The following RIT1 variants were observed in gnomAD, a reference collection of about 807,000 sequenced individuals.
The protein encoded by RIT1 is GTP-binding protein Rit1.
A neutral mutation model predicts 25.6 loss-of-function variants in RIT1; 6 were observed. The ratio of observed to expected loss-of-function variants is 0.23; its 90% confidence interval spans 0.13 to 0.46. The LOEUF is 0.46. Ranked by LOEUF, RIT1 falls within the 20% of genes least tolerant of loss-of-function variation. RIT1 has a pLI of 0.99. For missense variants in RIT1, 219 were observed against 284.4 expected, an observed-to-expected ratio of 0.77 and a Z score of 1.65; for synonymous variants, 81 against 94.1, an observed-to-expected ratio of 0.86 and a Z score of 0.80.
chr1:155,909,139 T>C (rs371832283), intron 3 of RIT1, among the ~76,000 whole-genome samples: 1 of 149,572 alleles, frequency 6.7e-6, no homozygotes, highest in African/African-American at 2.5e-5. Flanking sequence ...ACTTTGGGAG[T>C]CCGAGGTGGG....
At position 155,899,156 on chromosome 1, in the gene RIT1, TAC is replaced by T. The variant is rs1166091580; in HGVS notation, c.*1230_*1231del. 4.8e-6 allele frequency: 1 copy of T among 207,028 alleles called. No homozygotes were observed. Among genetic ancestry groups the T allele is most frequent in the Non-Finnish European group, 9.9e-6 (1 of 101,252 alleles). 12.8% of individuals were successfully genotyped at this position (207,028 alleles called of 1,614,324 possible). On this transcript the variant is annotated 3_prime_UTR_variant, in exon 6 of 6. Coordinates refer to ENST00000368323, the MANE Select transcript of RIT1 (RefSeq NM_006912.6). ...ATTTAAAGCTGTTTCCTCCTAGGAC[TAC>T]AGTTCCTAAACTATGCACAGGGAGC...
In RIT1 at chr1:155,900,255, A is replaced by T; in HGVS notation, c.*133T>A. 1.5e-6 allele frequency: 1 copy of T among 670,802 alleles called. No individual in the cohort carries two copies. Among genetic ancestry groups the T allele is most frequent in the Non-Finnish European group, 2.6e-6 (1 of 381,470 alleles). 41.6% of individuals were successfully genotyped at this position (670,802 alleles called of 1,614,324 possible). On this transcript the variant is annotated 3_prime_UTR_variant, in exon 6 of 6. Coordinates refer to ENST00000368323, the MANE Select transcript of RIT1 (RefSeq NM_006912.6). ...GAGACAATACTTTAAATACCACATC[A>T]TTAAAAACTCCTAGTAGGCATGTCC...
rs777520196 is a variant in RIT1, at chr1:155,904,375, C to T, written c.365G>A (p.Arg122Gln). 26 of 1,613,914 alleles carry T rather than the reference C, an allele frequency of 1.6e-5. 1 individual carries two copies. The South Asian group carries it at 2.6e-4, about 16-fold the overall frequency. ...AACCACAGGTGTATCGTCAGTACGT[C>T]GGACTCGATAAATAAGCTGTTTAAA... Reference protein sequence around the residue: ...REFKQLIYRVRRTDDTPVVLV... With the variant: ...REFKQLIYRVQRTDDTPVVLV... The change falls in exon 5 of 6, where the codon CGA becomes CAA. Residue 122 changes from arginine (R) to glutamine (Q), a missense_variant. Arg to Gln is a conservative substitution (Grantham distance 43). Around this residue, in one of 3 missense-constraint regions of RIT1, gnomAD observed 131 missense variants for 173.6 expected, o/e 0.75. Transcript: ENST00000368323.
intron 4 of RIT1, 87 bp from the exon 5 acceptor site, chr1:155,904,589 C>A: frequency 7.6e-7 from 1 of 1,316,784 alleles, no homozygotes; most frequent in African/African-American, 1.5e-5. Context: ...TTAAAGAAAA[C>A]GCATGTCGAT....
chr1:155,899,570 T>G lies in RIT1; in HGVS notation c.*818A>C, dbSNP rs1254506101. 2 of 225,746 alleles carry G rather than the reference T, an allele frequency of 8.9e-6. No homozygotes were observed. Among genetic ancestry groups the G allele is most frequent in the Non-Finnish European group, 1.8e-5 (2 of 113,222 alleles). The allele number at this position is 225,746 out of a possible 1,614,324, so 14.0% of individuals were successfully genotyped here. A position where few individuals can be genotyped will look rare whatever the true frequency, so the allele number is the denominator to read the frequency against. The stretch of plus-strand genomic sequence containing the variant: ...AAATAAACCTGTACAAGGCAATGGC[T>G]GATCCAACTATGAATTTTGATTAAA... On this transcript the variant is annotated 3_prime_UTR_variant, in exon 6 of 6. Coordinates refer to ENST00000368323, the MANE Select transcript of RIT1 (RefSeq NM_006912.6).
chr1:155,906,216 T>C (rs1417577626), intron 3 of RIT1, among the ~76,000 whole-genome samples: 29 of 152,092 alleles, frequency 1.9e-4, no homozygotes, highest in Admixed American at 1.9e-3. Flanking sequence ...ATAGTAACCT[T>C]GGAAAATATA....
chr1:155,904,591 C>G (rs1413281484), intron 4 of RIT1, 89 bp from the exon 5 acceptor site: 2 of 1,306,910 alleles, frequency 1.5e-6, no homozygotes, highest in Admixed American at 3.8e-5. Context: ...AAAGAAAACG[C>G]ATGTCGATTA....
In RIT1 at chr1:155,910,745, C is replaced by T. The variant is rs1255067143; in HGVS notation, c.17G>A (p.Arg6His). Residue 6 changes from arginine (R) to histidine (H), a missense_variant, in exon 2 of 6, where the codon CGC becomes CAC. Arg to His is a conservative substitution (Grantham distance 29). Transcript: ENST00000368323. ...GCTGCTACAGCAGCTACCAACTGGG[C>T]GAGTTCCAGAATCCATTGTCCTCTT... MDSGT[R>H]PVGSCCSSPA... is the part of the protein sequence containing the mutation. 2 of 1,614,234 alleles carry T rather than the reference C, an allele frequency of 1.2e-6. No individual in the cohort carries two copies. Among genetic ancestry groups the T allele is most frequent in the African/African-American group, 1.3e-5 (1 of 75,056 alleles).
chr1:155,904,609 T>C (rs1050349660), intron 4 of RIT1, 107 bp from the exon 5 acceptor site: 1 of 1,239,118 alleles, frequency 8.1e-7, no homozygotes, highest in Non-Finnish European at 1.2e-6. Flanking sequence ...TTACCTGCTA[T>C]CCTGAGTCAG....
intron 5 of RIT1, among the ~76,000 whole-genome samples, chr1:155,902,244 C>T (rs1401736535): frequency 6.6e-6 from 1 of 151,378 alleles, no homozygotes; most frequent in East Asian, 1.9e-4. Context: ...GAACTGGATG[C>T]ATATTCCTAA....
chr1:155,908,917 T>C (rs990354261), intron 3 of RIT1, among the ~76,000 whole-genome samples: 1 of 151,964 alleles, frequency 6.6e-6, no homozygotes, highest in Non-Finnish European at 1.5e-5. Flanking sequence ...AGTCAAGACT[T>C]TTTCTATTTT....
At chr1:155,904,839 TAAATGCCGGAAG>T in intron 3 of RIT1, 35 bp from the exon 4 acceptor site, 1 of 1,414,678 alleles carries the variant, frequency 7.1e-7, no homozygotes, top group Non-Finnish European at 1.0e-6. Context: ...TATAAAGTCA[TAAATGCCGGAAG>T]AAATGCCTAT....
intron 3 of RIT1, among the ~76,000 whole-genome samples, chr1:155,908,147 T>A (rs1487764418): frequency 1.4e-5 from 2 of 141,966 alleles, no homozygotes; most frequent in East Asian, 2.2e-4. Flanking sequence ...AGTATTTGAG[T>A]TTTACTTTAA....
At chr1:155,911,217 C>T (rs1181613203) in intron 1 of RIT1, 26 bp downstream of exon 1, 1 of 419,252 alleles carries the variant, frequency 2.4e-6, no homozygotes, top group Non-Finnish European at 4.3e-6. Flanking sequence ...GCTGCTGCTC[C>T]GCCGCCAGAC....
intron 5 of RIT1, among the ~76,000 whole-genome samples, chr1:155,901,501 GGT>G (rs1052059482): frequency 1.4e-4 from 21 of 151,996 alleles, no homozygotes; most frequent in African/African-American, 5.1e-4. Context: ...AGCTGGGCAT[GGT>G]GTTGGGCACC....
In RIT1 at chr1:155,900,052, CA is replaced by C; in HGVS notation, c.*335del. 3.3e-6 allele frequency: 1 copy of C among 303,474 alleles called. No homozygotes were observed. Among genetic ancestry groups the C allele is most frequent in the African/African-American group, 2.1e-5 (1 of 46,904 alleles). 18.8% of individuals were successfully genotyped at this position (303,474 alleles called of 1,614,324 possible). ...TAAAGGATAATGTGGAGTGCAGAGCCAAAAACTTCCCTTGTGAACTTAGTCA... is the reference window on the plus strand; with the variant it reads ...TAAAGGATAATGTGGAGTGCAGAGCCAAAACTTCCCTTGTGAACTTAGTCA... On this transcript the variant is annotated 3_prime_UTR_variant, in exon 6 of 6. Transcript: ENST00000368323.
At chr1:155,905,994 A>G (rs1335572803) in intron 3 of RIT1, among the ~76,000 whole-genome samples, 3 of 152,054 alleles carry the variant, frequency 2.0e-5, no homozygotes, top group Non-Finnish European at 2.9e-5. Context: ...TTGCCCGGCT[A>G]ATTTTTGTAT....
At chr1:155,903,423 AGCCAAG>A (rs1295380205) in intron 5 of RIT1, among the ~76,000 whole-genome samples, 1 of 141,120 alleles carries the variant, frequency 7.1e-6, no homozygotes, top group Non-Finnish European at 1.5e-5. Flanking sequence ...ACTGCACTCC[AGCCAAG>A]GCAACAGAGT....
intron 5 of RIT1, among the ~76,000 whole-genome samples, chr1:155,902,110 G>A (rs946370033): frequency 1.3e-5 from 2 of 152,132 alleles, no homozygotes; most frequent in African/African-American, 4.8e-5. Context: ...AAAAGAGGAT[G>A]TAGCCTCTGG....
Sources: gnomAD v4.1 joint callset for allele counts (sites outside exome capture counted in the v4.1 genomes callset) on GRCh38, gnomAD v4.1.1 for gene constraint, gnomAD v4.1.1 regional missense constraint, MANE v1.5 for transcripts, NCBI Gene and HGNC (gene_info 2026-07-23, HGNC 2026-07-21) for gene names.